P2RX4: variants seen among roughly 807,000 people sequenced by gnomAD.
P2RX4 encodes purinergic receptor P2X 4.
P2RX4 carries 37 observed loss-of-function variants against 48.0 expected under a neutral mutation model. The ratio of observed to expected loss-of-function variants is 0.77; its 90% CI spans 0.59 to 1.01. P2RX4 has a LOEUF of 1.01. Ranked by LOEUF, P2RX4 falls within the 50% of genes least tolerant of loss-of-function variation. P2RX4 has a pLI of 0.00. For synonymous variants in P2RX4, 200 were observed against 199.7 expected (o/e 1.00, Z -0.01); for missense variants, 501 against 521.4 (o/e 0.96, Z 0.38).
intron 1 of P2RX4, 117 bp downstream of exon 1, chr12:121,210,415 T>A: frequency 9.5e-7 from 1 of 1,056,432 alleles, no homozygotes; most frequent in Non-Finnish European, 1.2e-6. Context: ...GCCGAGGCGG[T>A]GACACCTTCC....
chr12:121,232,512 C>T lies in P2RX4; in HGVS notation c.978+5C>T, dbSNP rs1555238616. 6.2e-7 allele frequency: 1 copy of T among 1,612,710 alleles called. No individual in the cohort carries two copies. Among genetic ancestry groups the T allele is most frequent in the Admixed American group, 1.7e-5 (1 of 60,028 alleles). On this transcript the variant is annotated splice_donor_5th_base_variant and intron_variant, in intron 9 of 11. Coordinates refer to ENST00000337233, the MANE Select transcript of P2RX4 (RefSeq NM_002560.3). The surrounding 1 kb of genome is among the most constrained non-coding windows in gnomAD (Gnocchi z 4.3). ...GACATCATTGTGTTTGGGAAGGTAG[C>T]TCGCCGCCACTGGCTCCCCTCCGTC...
chr12:121,232,897 G>A lies in P2RX4; in HGVS notation c.1045-100G>A, dbSNP rs1172538601. ...AGAGATGGGAGTGCCTTTCCATTCCGGTAAAGATTCCAGGCTTCTCAGGAA... is the reference window on the plus strand; with the variant it reads ...AGAGATGGGAGTGCCTTTCCATTCCAGTAAAGATTCCAGGCTTCTCAGGAA... On this transcript the variant is annotated intron_variant, in intron 10 of 11. Coordinates refer to ENST00000337233, the MANE Select transcript of P2RX4 (RefSeq NM_002560.3). This position sits in a 1 kb window ranked among gnomAD's most constrained non-coding sequence, Gnocchi z 4.3. 49 of 950,078 alleles carry A rather than the reference G, an allele frequency of 5.2e-5. No individual in the cohort carries two copies. Among genetic ancestry groups the A allele is most frequent in the Non-Finnish European group, 7.6e-5 (44 of 580,652 alleles). 58.9% of individuals were successfully genotyped at this position (950,078 alleles called of 1,614,324 possible). A position where few individuals can be genotyped will look rare whatever the true frequency, so the allele number is the denominator to read the frequency against.
At chr12:121,231,868 G>A (rs1424220234) in intron 8 of P2RX4, among the ~76,000 whole-genome samples, 1 of 152,050 alleles carries the variant, frequency 6.6e-6, no homozygotes, top group African/African-American at 2.4e-5. Context: ...AGCTGGGCAT[G>A]GTGGTGTGCG....
At position 121,232,004 on chromosome 12, in the gene P2RX4, C is replaced by CAAA. The variant is rs34995184; in HGVS notation, c.885-393_885-391dup. Among the ~76,000 whole-genome samples the CAAA allele has an allele frequency of 0.18, 16,635 of 94,034 alleles. 1,658 individuals carry two copies. Among genetic ancestry groups the CAAA allele is most frequent in the East Asian group, 0.29 (955 of 3,242 alleles). The allele number at this position is 94,034 out of a possible 152,430, so 61.7% of individuals were successfully genotyped here. A position where few individuals can be genotyped will look rare whatever the true frequency, so the allele number is the denominator to read the frequency against. On this transcript the variant is annotated intron_variant, in intron 8 of 11. Coordinates refer to ENST00000337233, the MANE Select transcript of P2RX4 (RefSeq NM_002560.3). The surrounding 1 kb of genome is among the most constrained non-coding windows in gnomAD (Gnocchi z 4.3). ...CTGGCAACAGAGGGAGACTCCATCT[C>CAAA]AAAAAAAAAAAAAAAAAAAGTCCCT...
chr12:121,228,457 A>G (rs1718118), intron 5 of P2RX4, 76 bp from the exon 6 acceptor site: 39,375 of 475,182 alleles, frequency 0.083, 1,218 homozygotes, highest in South Asian at 0.17. Context: ...ATATGTGTGT[A>G]TATATATATA....
At chr12:121,221,151 T>C (rs1426403605) in intron 2 of P2RX4, among the ~76,000 whole-genome samples, 8 of 97,580 alleles carry the variant, frequency 8.2e-5, no homozygotes, top group East Asian at 2.3e-4. Context: ...TGTGTGTGCG[T>C]GTGTCTGTGT....
chr12:121,211,933 C>T (rs1885889862), intron 1 of P2RX4, among the ~76,000 whole-genome samples: 1 of 152,150 alleles, frequency 6.6e-6, no homozygotes, highest in African/African-American at 2.4e-5. Flanking sequence ...CCGCAGCCTC[C>T]CAGAGTGCTG....
Position 121,228,912 on chromosome 12 carries a change from C to T in P2RX4, c.747+46C>T, listed in dbSNP as rs373085958. The T allele has an allele frequency of 2.7e-5, 43 of 1,613,946 alleles. No homozygotes were observed. In the African/African-American group the frequency reaches 4.7e-4, roughly 18 times the overall value. ...TCCTGACCCAGCCCTGGAGGCGTCTCGTGCCAGGTGCTGAGGAAAGCCTTG... is the reference window on the plus strand; with the variant it reads ...TCCTGACCCAGCCCTGGAGGCGTCTTGTGCCAGGTGCTGAGGAAAGCCTTG... On this transcript the variant is annotated intron_variant, in intron 7 of 11. Transcript: ENST00000337233.
In P2RX4 at chr12:121,220,141, T is replaced by A. The variant is rs78517807; in HGVS notation, c.283-1772T>A. Among the ~76,000 whole-genome samples, 1,503 of 152,290 alleles carry A rather than the reference T, an allele frequency of 9.9e-3. 17 individuals are homozygous for A. The highest frequency in any genetic ancestry group is 0.034 in the African/African-American group (1,421 of 41,558). On this transcript the variant is annotated intron_variant, in intron 2 of 11. Transcript: ENST00000337233. The stretch of plus-strand genomic sequence containing the variant: ...TCTCTAGAATGTTTGATTTATAATT[T>A]CAGTTAGGAAAGAAAACCAGCCAGA...
Position 121,228,810 on chromosome 12 carries a change from C to T in P2RX4, c.691C>T (p.Arg231Cys), listed in dbSNP as rs1261762097. ...AACAGATCCCTTCTGCCCCATATTC[C>T]GTCTTGGCAAAATAGTGGAGAACGC... ...AKTDPFCPIF[R>C]LGKIVENAGH... Residue 231 changes from arginine (R) to cysteine (C), a missense_variant, in exon 7 of 12, where the codon CGT (arginine) becomes TGT (cysteine). Physicochemically the swap from Arg to Cys is radical, Grantham distance 180. This residue lies in a region of P2RX4 where 197 missense variants were observed against 219.5 expected (regional missense o/e 0.90). Transcript: ENST00000337233. The T allele has an allele frequency of 6.8e-6, 11 of 1,614,040 alleles. No homozygotes were observed. The highest frequency in any genetic ancestry group is 6.7e-5 in the African/African-American group (5 of 74,898).
chr12:121,219,146 G>C (rs920664131), intron 2 of P2RX4, among the ~76,000 whole-genome samples: 1 of 152,222 alleles, frequency 6.6e-6, no homozygotes. Context: ...GAGTGTGTTT[G>C]TACATTGAAC....
At position 121,228,755 on chromosome 12, in the gene P2RX4, T is replaced by C. The variant is rs562246604; in HGVS notation, c.636T>C (p.Thr212=). The C allele has an allele frequency of 9.9e-6, 16 of 1,614,142 alleles. No homozygotes were observed. Among genetic ancestry groups the C allele is most frequent in the African/African-American group, 8.0e-5 (6 of 75,022 alleles). Reference sequence around the variant, plus strand: ...ATATCCTTCCCAACATCACCACTACTTACCTCAAGTCGTGCATTTATGATG... The same window carrying C: ...ATATCCTTCCCAACATCACCACTACCTACCTCAAGTCGTGCATTTATGATG... The part of the protein sequence containing the change: ...KRNILPNITT[T]YLKSCIYDAK... The change falls in exon 7 of 12, where the codon ACT becomes ACC. Residue 212 remains threonine, a synonymous_variant. Coordinates refer to ENST00000337233, the MANE Select transcript of P2RX4 (RefSeq NM_002560.3).
At chr12:121,222,045 G>T in intron 3 of P2RX4, 49 bp from the exon 4 acceptor site, 1 of 1,598,070 alleles carries the variant, frequency 6.3e-7, no homozygotes, top group South Asian at 1.1e-5. Flanking sequence ...GTCCACCTGT[G>T]TGTGGGGCCG....
chr12:121,212,233 G>A (rs372238542), intron 1 of P2RX4, among the ~76,000 whole-genome samples: 65 of 152,254 alleles, frequency 4.3e-4, no homozygotes, highest in African/African-American at 1.4e-3. Context: ...GATACAGACA[G>A]TATTCAAGAG....
At chr12:121,214,865 A>T (rs538898185) in intron 1 of P2RX4, 1 of 151,886 alleles carries the variant, frequency 6.6e-6, no homozygotes, top group Non-Finnish European at 1.5e-5. Context: ...GCCCACTGCA[A>T]TCTCCACCTC....
Position 121,232,985 on chromosome 12 carries a change from T to G in P2RX4, c.1045-12T>G, listed in dbSNP as rs757020348. On this transcript the variant is annotated splice_polypyrimidine_tract_variant and intron_variant, in intron 10 of 11. Transcript: ENST00000337233. The surrounding 1 kb of genome is among the most constrained non-coding windows in gnomAD (Gnocchi z 4.3). ...AGCATCCTGGCTCACTCTCACCCTA[T>G]GCTAAACTCAGGCGACCGTGCTGTG... is the stretch of plus-strand genomic sequence containing the variant. 1 of 1,595,130 alleles carries G rather than the reference T, an allele frequency of 6.3e-7. No homozygotes were observed. Among genetic ancestry groups the G allele is most frequent in the African/African-American group, 1.3e-5 (1 of 74,566 alleles).
At chr12:121,212,824 A>ATATATATATATTT (rs370835501) in intron 1 of P2RX4, 1 of 32,252 alleles carries the variant, frequency 3.1e-5, no homozygotes, top group Non-Finnish European at 4.8e-5. Context: ...ATATATATAT[A>ATATATATATATTT]TTTTTTTTTT....
chr12:121,221,536 G>A lies in P2RX4; in HGVS notation c.283-377G>A, dbSNP rs59706799. Among the ~76,000 whole-genome samples the A allele has an allele frequency of 6.9e-3, 1,041 of 151,924 alleles. 12 individuals carry two copies. Among genetic ancestry groups the A allele is most frequent in the African/African-American group, 0.024 (979 of 41,414 alleles). ...AGCCTCCCAAGTAGCTGGGACTACA[G>A]GTGCCCGCCATCACACCCGGCTAAT... is the stretch of plus-strand genomic sequence containing the variant. On this transcript the variant is annotated intron_variant, in intron 2 of 11. Coordinates refer to ENST00000337233, the MANE Select transcript of P2RX4 (RefSeq NM_002560.3).
In P2RX4 at chr12:121,232,428, A is replaced by G. The variant is rs768080454; in HGVS notation, c.899A>G (p.Tyr300Cys). The change falls in exon 9 of 12, where the codon TAC becomes TGC. Residue 300 changes from tyrosine (Y) to cysteine (C), a missense_variant. Tyr to Cys is a radical substitution (Grantham distance 194). Coordinates refer to ENST00000337233, the MANE Select transcript of P2RX4 (RefSeq NM_002560.3). The surrounding 1 kb of genome is among the most constrained non-coding windows in gnomAD (Gnocchi z 4.3). Reference sequence around the variant, plus strand: ...CTTCCCCTCAGGTTTGCCAAGTACTACAGAGACCTGGCTGGCAACGAGCAG... The same window carrying G: ...CTTCCCCTCAGGTTTGCCAAGTACTGCAGAGACCTGGCTGGCAACGAGCAG... Reference protein sequence around the residue: ...PGYNFRFAKYYRDLAGNEQRT... With the variant: ...PGYNFRFAKYCRDLAGNEQRT... The G allele has an allele frequency of 1.2e-6, 2 of 1,613,250 alleles. No individual in the cohort carries two copies. Among genetic ancestry groups the G allele is most frequent in the South Asian group, 1.1e-5 (1 of 91,046 alleles).
Sources: gnomAD v4.1 joint callset for allele counts (sites outside exome capture counted in the v4.1 genomes callset) on GRCh38, gnomAD v4.1.1 for gene constraint, gnomAD v4.1.1 regional missense constraint, Gnocchi (gnomAD v3.1) non-coding constraint, MANE v1.5 for transcripts, NCBI Gene and HGNC (gene_info 2026-07-23, HGNC 2026-07-21) for gene names.